PIEZO2: variants seen among roughly 807,000 people sequenced by gnomAD.
PIEZO2 encodes piezo type mechanosensitive ion channel component 2.
Under a neutral mutation model 337.3 loss-of-function variants are expected in PIEZO2, and 172 were observed. The ratio of observed to expected loss-of-function variants is 0.51; its 90% CI spans 0.45 to 0.58. PIEZO2 has a LOEUF of 0.58. PIEZO2 is among the 20% of genes least tolerant of loss of function. PIEZO2 has a pLI of 0.00. For synonymous variants in PIEZO2, 1,251 were observed against 1,228.5 expected (o/e 1.02, Z -0.38); for missense variants, 3,028 against 3,391.3 (o/e 0.89, Z 2.66).
intron 3 of PIEZO2, among the ~76,000 whole-genome samples, chr18:10,949,204 T>A (rs954328251): frequency 1.7e-5 from 2 of 114,752 alleles, no homozygotes; most frequent in African/African-American, 5.1e-5. Context: ...GTAGGAAACA[T>A]TTTTTTCTCA....
chr18:10,906,179 T>C (rs1462938356), intron 4 of PIEZO2, among the ~76,000 whole-genome samples: 1 of 152,214 alleles, frequency 6.6e-6, no homozygotes, highest in Non-Finnish European at 1.5e-5. Flanking sequence ...AAGGCTATTT[T>C]CAGGGTGATT....
At chr18:11,036,865 G>A (rs1324320267) in intron 2 of PIEZO2, among the ~76,000 whole-genome samples, 1 of 152,206 alleles carries the variant, frequency 6.6e-6, no homozygotes, top group Non-Finnish European at 1.5e-5. Flanking sequence ...TGAGAGTGAT[G>A]TGTTAAAATC....
intron 1 of PIEZO2, among the ~76,000 whole-genome samples, chr18:11,107,984 CAA>C (rs770848671): frequency 6.6e-5 from 10 of 152,146 alleles, no homozygotes; most frequent in Non-Finnish European, 5.9e-5. Context: ...GGGAGAAAAT[CAA>C]AGTCAACTGG....
Position 10,789,331 on chromosome 18 carries a change from C to A in PIEZO2, c.1917G>T (p.Glu639Asp). 2 of 1,537,054 alleles carry A rather than the reference C, an allele frequency of 1.3e-6. No individual in the cohort carries two copies. The highest frequency in any genetic ancestry group is 1.2e-5 in the South Asian group (1 of 84,016). ...CTTCCTCTTCTTCCTCCTCTTTGGG[C>A]TCTCCTTCCACTTGTATATCTTGAA... is the stretch of plus-strand genomic sequence containing the variant. ...EELQDIQVEG[E>D]PKEEEEEEAK... The change falls in exon 15 of 56, where the codon GAG (glutamate) becomes GAT (aspartate). Residue 639 changes from glutamate to aspartate, a missense_variant. Glu to Asp is a conservative substitution (Grantham distance 45, BLOSUM62 2). Coordinates refer to ENST00000674853, the MANE Select transcript of PIEZO2 (RefSeq NM_001378183.1).
At chr18:10,999,485 A>T (rs1430015952) in intron 2 of PIEZO2, among the ~76,000 whole-genome samples, 2 of 152,160 alleles carry the variant, frequency 1.3e-5, no homozygotes, top group African/African-American at 4.8e-5. Flanking sequence ...TTATTCTCTA[A>T]AAGAGATAGT....
At chr18:10,743,138 A>G (rs1320261371) in intron 31 of PIEZO2, among the ~76,000 whole-genome samples, 18 of 152,230 alleles carry the variant, frequency 1.2e-4, no homozygotes, top group Non-Finnish European at 1.5e-5. Flanking sequence ...AAACACCAAT[A>G]AAAACAGTTG....
At position 10,724,858 on chromosome 18, in the gene PIEZO2, G is replaced by A; in HGVS notation, c.5029+6549C>T. ...CCACGGCGGCCACATGCGTCGCAGT[G>A]AGAGCACCTACTCTGTAAATAGTAC... On this transcript the variant is annotated intron_variant, in intron 36 of 55. Coordinates refer to ENST00000674853, the MANE Select transcript of PIEZO2 (RefSeq NM_001378183.1). The surrounding 1 kb of genome is among the most constrained non-coding windows in gnomAD (Gnocchi z 5.8). The A allele has an allele frequency of 6.2e-7, 1 of 1,607,512 alleles. No homozygotes were observed. The highest frequency in any genetic ancestry group is 8.5e-7 in the Non-Finnish European group (1 of 1,177,098).
intron 2 of PIEZO2, among the ~76,000 whole-genome samples, chr18:10,995,871 C>T (rs2035304104): frequency 6.6e-6 from 1 of 152,006 alleles, no homozygotes; most frequent in South Asian, 2.1e-4. Context: ...GCATACTGCT[C>T]ACATGAATCT....
intron 7 of PIEZO2, among the ~76,000 whole-genome samples, chr18:10,841,602 G>A (rs1318368136): frequency 1.3e-5 from 2 of 152,154 alleles, no homozygotes; most frequent in South Asian, 2.1e-4. Context: ...TGGCAAAGCT[G>A]TCCTTCAAAA....
At chr18:10,674,408 T>C (rs939192055) in intron 54 of PIEZO2, among the ~76,000 whole-genome samples, 1 of 152,238 alleles carries the variant, frequency 6.6e-6, no homozygotes, top group Non-Finnish European at 1.5e-5. Flanking sequence ...TTGTAAGAGA[T>C]ACTTATTTAC....
At chr18:10,925,340 C>T (rs2031661374) in intron 3 of PIEZO2, among the ~76,000 whole-genome samples, 1 of 152,078 alleles carries the variant, frequency 6.6e-6, no homozygotes, top group African/African-American at 2.4e-5. Context: ...AAAACAGACC[C>T]GCTAATTTAA....
intron 15 of PIEZO2, among the ~76,000 whole-genome samples, chr18:10,788,494 T>C (rs2039306409): frequency 1.3e-5 from 1 of 74,320 alleles, no homozygotes; most frequent in South Asian, 5.2e-4. Flanking sequence ...GAAATGTAAT[T>C]CAATTTTACA....
At chr18:10,911,754 T>C (rs1683371) in intron 3 of PIEZO2, among the ~76,000 whole-genome samples, 140,952 of 151,634 alleles carry the variant, frequency 0.93, 65,567 homozygotes, top group East Asian at 1. Context: ...AACTCCATCT[T>C]GAAAAAACAA....
rs2042299779 is a variant in PIEZO2 at position 10,877,518 on chromosome 18, T to A, written c.330-6103A>T. Among the ~76,000 whole-genome samples, 1 of 152,162 alleles carries A rather than the reference T, an allele frequency of 6.6e-6. No homozygotes were observed. The highest frequency in any genetic ancestry group is 2.1e-4 in the South Asian group (1 of 4,824). On this transcript the variant is annotated intron_variant, in intron 4 of 55. Transcript: ENST00000674853. This position sits in a 1 kb window ranked among gnomAD's most constrained non-coding sequence, Gnocchi z 5.3. ...TCCAAATTAGCTCTTCCTCCTATAGTCCTAATTTTGGAAAACACGGCTGTC... is the reference window on the plus strand; with the variant it reads ...TCCAAATTAGCTCTTCCTCCTATAGACCTAATTTTGGAAAACACGGCTGTC...
At chr18:10,696,768 C>T (rs1194089898) in intron 45 of PIEZO2, among the ~76,000 whole-genome samples, 1 of 152,208 alleles carries the variant, frequency 6.6e-6, no homozygotes, top group Non-Finnish European at 1.5e-5. Flanking sequence ...CTGCTGATGG[C>T]ACCACAGCCC....
At chr18:10,841,248 TGA>T (rs976638243) in intron 7 of PIEZO2, among the ~76,000 whole-genome samples, 5 of 151,916 alleles carry the variant, frequency 3.3e-5, no homozygotes, top group Admixed American at 6.6e-5. Context: ...CTTTGAGGGG[TGA>T]GAGAAAAACA....
Position 10,850,979 on chromosome 18 carries a change from T to C in PIEZO2, c.917+4374A>G, listed in dbSNP as rs1228133242. ...ATTTGAAAGCTTTTTTACCAGAAGA[T>C]AAAAATTGCTTGGACTGTTTTAAGG... On this transcript the variant is annotated intron_variant, in intron 7 of 55. Coordinates refer to ENST00000674853, the MANE Select transcript of PIEZO2 (RefSeq NM_001378183.1). This position sits in a 1 kb window ranked among gnomAD's most constrained non-coding sequence, Gnocchi z 4.5. Among the ~76,000 whole-genome samples, 2 of 152,166 alleles carry C rather than the reference T, an allele frequency of 1.3e-5. No individual in the cohort carries two copies. The highest frequency in any genetic ancestry group is 2.1e-4 in the South Asian group (1 of 4,830).
intron 3 of PIEZO2, among the ~76,000 whole-genome samples, chr18:10,930,826 T>A (rs2032035736): frequency 6.6e-6 from 1 of 152,232 alleles, no homozygotes. Context: ...AAATGTGTCT[T>A]AAATTTAGAG....
In PIEZO2 at chr18:10,775,911, CA is replaced by C. The variant is rs2038768700; in HGVS notation, c.2535-1874del. On this transcript the variant is annotated intron_variant, in intron 18 of 55. Coordinates refer to ENST00000674853, the MANE Select transcript of PIEZO2 (RefSeq NM_001378183.1). This position sits in a 1 kb window ranked among gnomAD's most constrained non-coding sequence, Gnocchi z 4.3. ...AACCTCATGAGCTTGTAATGGATGA[CA>C]AAAAAAGAAAAAAAAAAAGAAATTA... Among the ~76,000 whole-genome samples, 1 of 56,930 alleles carries C rather than the reference CA, an allele frequency of 1.8e-5. No homozygotes were observed. Among genetic ancestry groups the C allele is most frequent in the African/African-American group, 5.6e-5 (1 of 18,012 alleles). 37.3% of individuals were successfully genotyped at this position (56,930 alleles called of 152,430 possible). A position where few individuals can be genotyped will look rare whatever the true frequency, so the allele number is the denominator to read the frequency against.
Sources: gnomAD v4.1 joint callset for allele counts (sites outside exome capture counted in the v4.1 genomes callset) on GRCh38, gnomAD v4.1.1 for gene constraint, Gnocchi (gnomAD v3.1) non-coding constraint, MANE v1.5 for transcripts, NCBI Gene and HGNC (gene_info 2026-07-23, HGNC 2026-07-21) for gene names.